The following TWSG1 variants were observed in gnomAD, a reference collection of about 807,000 sequenced individuals.
TWSG1 encodes the protein twisted gastrulation BMP signaling modulator 1.
In TWSG1, 15 loss-of-function variants were observed where a neutral mutation model predicts 23.0. That is an observed-to-expected ratio of 0.65 (90% confidence interval 0.44 to 1.00). The LOEUF is 1.00. Ranked by LOEUF, TWSG1 falls within the 50% of genes least tolerant of loss-of-function variation. The pLI is 0.00. For missense variants in TWSG1, 242 were observed against 278.7 expected, an observed-to-expected ratio of 0.87 and a Z score of 0.94; for synonymous variants, 86 against 92.8, an observed-to-expected ratio of 0.93 and a Z score of 0.42.
At chr18:9,386,705 T>A (rs2040686563) in intron 3 of TWSG1, among the ~76,000 whole-genome samples, 1 of 151,668 alleles carries the variant, frequency 6.6e-6, no homozygotes, top group Non-Finnish European at 1.5e-5. Flanking sequence ...GTGAGATGAG[T>A]GAAAAAAGAC....
chr18:9,364,711 T>A (rs1314861388), intron 3 of TWSG1, among the ~76,000 whole-genome samples: 1 of 151,808 alleles, frequency 6.6e-6, no homozygotes, highest in East Asian at 1.9e-4. Flanking sequence ...GGAGAGTCAC[T>A]TGAACCCAGA....
At chr18:9,394,534 A>G (rs1034410285) in intron 3 of TWSG1, among the ~76,000 whole-genome samples, 1 of 152,224 alleles carries the variant, frequency 6.6e-6, no homozygotes, top group Admixed American at 6.5e-5. Context: ...ATAGTTAACA[A>G]TAATGTATTA....
At chr18:9,396,228 C>T in intron 3 of TWSG1, 52 bp from the exon 4 acceptor site, 1 of 1,504,540 alleles carries the variant, frequency 6.6e-7, no homozygotes, top group African/African-American at 1.4e-5. Context: ...TGTTATAGCT[C>T]TGATTGCAAG....
At chr18:9,392,709 CT>C (rs932678525) in intron 3 of TWSG1, among the ~76,000 whole-genome samples, 1 of 151,904 alleles carries the variant, frequency 6.6e-6, no homozygotes, top group Non-Finnish European at 1.5e-5. Flanking sequence ...TCTTCTTTTT[CT>C]TTTTTTTGGC....
intron 3 of TWSG1, among the ~76,000 whole-genome samples, chr18:9,374,599 T>G (rs139284218): frequency 2.2e-4 from 33 of 152,222 alleles, no homozygotes; most frequent in African/African-American, 7.5e-4. Flanking sequence ...CTACCAAACA[T>G]TTAAGGAAAA....
At chr18:9,384,685 G>A (rs1441323256) in intron 3 of TWSG1, among the ~76,000 whole-genome samples, 6 of 148,172 alleles carry the variant, frequency 4.0e-5, no homozygotes, top group South Asian at 2.1e-4. Flanking sequence ...TTGCTCTGTC[G>A]CCCGGGCTGG....
At chr18:9,368,309 C>A (rs2040588901) in intron 3 of TWSG1, among the ~76,000 whole-genome samples, 1 of 152,116 alleles carries the variant, frequency 6.6e-6, no homozygotes, top group African/African-American at 2.4e-5. Context: ...TCAAGCAATT[C>A]TCTGCCTCAG....
intron 3 of TWSG1, among the ~76,000 whole-genome samples, chr18:9,372,956 GA>G (rs2040612600): frequency 6.6e-6 from 1 of 152,154 alleles, no homozygotes. Context: ...CCAATTAAAA[GA>G]GATTGTTAGA....
At chr18:9,391,528 A>G (rs2040712963) in intron 3 of TWSG1, among the ~76,000 whole-genome samples, 1 of 152,256 alleles carries the variant, frequency 6.6e-6, no homozygotes, top group African/African-American at 2.4e-5. Context: ...ATTTCTTGTC[A>G]GAATACAACC....
At chr18:9,351,622 GTTTTT>G (rs71168051) in intron 2 of TWSG1, among the ~76,000 whole-genome samples, 1 of 116,608 alleles carries the variant, frequency 8.6e-6, no homozygotes, top group Non-Finnish European at 1.8e-5. Flanking sequence ...ACCATGCTGG[GTTTTT>G]TTTTTTTTTT....
chr18:9,337,699 C>G (rs2040429042), intron 2 of TWSG1, among the ~76,000 whole-genome samples: 2 of 152,084 alleles, frequency 1.3e-5, no homozygotes, highest in Non-Finnish European at 2.9e-5. Context: ...ATTAGCTGGT[C>G]AAATAATAGA....
chr18:9,371,297 C>CTTT (rs758891489), intron 3 of TWSG1, among the ~76,000 whole-genome samples: 17 of 138,440 alleles, frequency 1.2e-4, no homozygotes, highest in Admixed American at 5.1e-4. Context: ...TTAGAAATCA[C>CTTT]TTTTTTTTTT....
At chr18:9,377,801 C>A (rs1377538329) in intron 3 of TWSG1, among the ~76,000 whole-genome samples, 3 of 152,070 alleles carry the variant, frequency 2.0e-5, no homozygotes, top group African/African-American at 7.2e-5. Context: ...CTCACTGTAG[C>A]CTTGACCTCC....
intron 2 of TWSG1, among the ~76,000 whole-genome samples, chr18:9,359,455 T>C (rs770606901): frequency 6.6e-6 from 1 of 152,224 alleles, no homozygotes; most frequent in African/African-American, 2.4e-5. Flanking sequence ...CAAAGCTACA[T>C]TGCAAAGAGG....
At chr18:9,336,843 A>T (rs963440566) in intron 1 of TWSG1, among the ~76,000 whole-genome samples, 15 of 152,230 alleles carry the variant, frequency 9.9e-5, no homozygotes, top group Non-Finnish European at 1.8e-4. Context: ...AGCCATTATT[A>T]TACAAAATTA....
intron 1 of TWSG1, 139 bp from the exon 2 acceptor site, chr18:9,337,054 A>G (rs982182451): frequency 2.1e-5 from 14 of 679,946 alleles, no homozygotes; most frequent in Non-Finnish European, 3.3e-5. Context: ...AGCCTGGGCA[A>G]CAGAGCAAGA....
Position 9,399,385 on chromosome 18 carries a change from C to G in TWSG1, c.530C>G (p.Ser177Cys), listed in dbSNP as rs35807957. Residue 177 changes from serine (S) to cysteine (C), a missense_variant, in exon 5 of 5, where the codon TCC becomes TGC. Physicochemically the swap from Ser to Cys is moderately radical, Grantham distance 112. Transcript: ENST00000262120. Reference protein sequence around the residue: ...CTVVYFDDCMSIHQCKISCES... With the variant: ...CTVVYFDDCMCIHQCKISCES... ...GTGGTTTATTTTGATGACTGCATGT[C>G]CATACATCAGTGTAAAATATCCTGT... 2.5e-6 allele frequency: 4 copies of G among 1,613,270 alleles called. No individual in the cohort carries two copies. The highest frequency in any genetic ancestry group is 3.3e-5 in the Admixed American group (2 of 59,814).
At chr18:9,362,591 A>G (rs2040557419) in intron 3 of TWSG1, among the ~76,000 whole-genome samples, 1 of 152,208 alleles carries the variant, frequency 6.6e-6, no homozygotes, top group Admixed American at 6.5e-5. Context: ...AATAATGTGT[A>G]TGTATGTGTG....
chr18:9,339,284 A>G (rs1193511905), intron 2 of TWSG1, among the ~76,000 whole-genome samples: 1 of 151,972 alleles, frequency 6.6e-6, no homozygotes, highest in Non-Finnish European at 1.5e-5. Context: ...TTTGATTAAT[A>G]TGGGTAGATA....
Sources: gnomAD v4.1 joint callset for allele counts (sites outside exome capture counted in the v4.1 genomes callset) on GRCh38, gnomAD v4.1.1 for gene constraint, MANE v1.5 for transcripts, NCBI Gene and HGNC (gene_info 2026-07-23, HGNC 2026-07-21) for gene names.